Variants in ACSS2 observed in about 807,000 individuals in gnomAD.
The protein encoded by ACSS2 is acetyl-coenzyme A synthetase, cytoplasmic.
Under a neutral mutation model 90.6 loss-of-function variants are expected in ACSS2, and 58 were observed. The observed-to-expected ratio is 0.64, with a 90% CI of 0.52 to 0.80. ACSS2 has a LOEUF of 0.80. ACSS2 is among the 30% of genes least tolerant of loss of function. The pLI is 0.00. For missense variants in ACSS2, 759 were observed against 912.0 expected (o/e 0.83, Z 2.16); for synonymous variants, 300 against 330.9 (o/e 0.91, Z 1.01).
intron 2 of ACSS2, among the ~76,000 whole-genome samples, chr20:34,907,930 G>A (rs1402773478): frequency 6.6e-6 from 1 of 152,204 alleles, no homozygotes; most frequent in Admixed American, 6.5e-5. Context: ...ACCTCTGTTA[G>A]TAAGAAAAGG....
intron 7 of ACSS2, among the ~76,000 whole-genome samples, chr20:34,914,749 G>A (rs1488630216): frequency 6.6e-6 from 1 of 152,204 alleles, no homozygotes; most frequent in Non-Finnish European, 1.5e-5. Context: ...TCTAACTTGA[G>A]TGACAATATA....
At chr20:34,920,977 A>T in intron 9 of ACSS2, 29 bp from the exon 10 acceptor site, 1 of 1,613,780 alleles carries the variant, frequency 6.2e-7, no homozygotes, top group Non-Finnish European at 8.5e-7. Context: ...ATTAGGAAAG[A>T]CTGGGAATGA....
chr20:34,896,371 C>G (rs1369084386), intron 2 of ACSS2, among the ~76,000 whole-genome samples: 2 of 152,198 alleles, frequency 1.3e-5, no homozygotes, highest in Admixed American at 6.5e-5. Flanking sequence ...TCTCAAGAAA[C>G]ACTTCTTGAC....
Position 34,919,707 on chromosome 20 carries a change from A to G in ACSS2, c.972+135A>G, listed in dbSNP as rs1003621632. ...CAACCCTGAGTTTTGGAAATGTAGC[A>G]TTGTCTTTTCTAAATCAAATTAAGA... On this transcript the variant is annotated intron_variant, in intron 8 of 17. Coordinates refer to ENST00000360596, the MANE Select transcript of ACSS2 (RefSeq NM_018677.4). The G allele has an allele frequency of 5.3e-6, 7 of 1,309,952 alleles. No homozygotes were observed. The East Asian group carries it at 1.3e-4, about 24-fold the overall frequency. The allele number at this position is 1,309,952 out of a possible 1,614,324, so 81.1% of individuals were successfully genotyped here.
rs1228085494 is a variant in ACSS2 at position 34,914,186 on chromosome 20, C to CT, written c.719+16dup. The CT allele has an allele frequency of 1.2e-6, 2 of 1,614,004 alleles. No homozygotes were observed. Among genetic ancestry groups the CT allele is most frequent in the Non-Finnish European group, 1.7e-6 (2 of 1,179,908 alleles). On this transcript the variant is annotated intron_variant, in intron 6 of 17. Coordinates refer to ENST00000360596, the MANE Select transcript of ACSS2 (RefSeq NM_018677.4). ...TGTCAGGAGAAGTAAGTGTGTTTGGCTACTGTCTGAGTTGACTGAGCCTTT... is the reference window on the plus strand; with the variant it reads ...TGTCAGGAGAAGTAAGTGTGTTTGGCTTACTGTCTGAGTTGACTGAGCCTTT...
At position 34,921,880 on chromosome 20, in the gene ACSS2, C is replaced by T; in HGVS notation, c.1548+14C>T. On this transcript the variant is annotated intron_variant, in intron 13 of 17. Transcript: ENST00000360596. Reference sequence around the variant, plus strand: ...GAAGGTTATCTGGTGAGGCCCTGGCCCTTGGGAGTCTTTAAGGAGAGAGGG... The same window carrying T: ...GAAGGTTATCTGGTGAGGCCCTGGCTCTTGGGAGTCTTTAAGGAGAGAGGG... 1 of 1,606,742 alleles carries T rather than the reference C, an allele frequency of 6.2e-7. No homozygotes were observed.
chr20:34,913,660 A>C, intron 4 of ACSS2, 93 bp from the exon 5 acceptor site: 1 of 1,342,318 alleles, frequency 7.4e-7, no homozygotes, highest in Non-Finnish European at 1.1e-6. Context: ...ACCCTGGCTT[A>C]GAGATCCTGA....
intron 2 of ACSS2, among the ~76,000 whole-genome samples, chr20:34,892,194 C>T (rs1304346649): frequency 6.6e-6 from 1 of 152,166 alleles, no homozygotes; most frequent in African/African-American, 2.4e-5. Flanking sequence ...GAACTGGCCT[C>T]CTCTCCTTTG....
chr20:34,885,338 C>A (rs2080165718), intron 2 of ACSS2, among the ~76,000 whole-genome samples: 2 of 152,256 alleles, frequency 1.3e-5, no homozygotes, highest in South Asian at 4.2e-4. Flanking sequence ...ATACACAGGC[C>A]AGAGTTTTCA....
intron 7 of ACSS2, 41 bp from the exon 8 acceptor site, chr20:34,919,394 A>C: frequency 1.2e-6 from 2 of 1,611,788 alleles, no homozygotes; most frequent in Non-Finnish European, 1.7e-6. Context: ...TCTTGTCCCC[A>C]TCTTGAGCTG....
intron 2 of ACSS2, among the ~76,000 whole-genome samples, chr20:34,894,163 C>G (rs1400610810): frequency 1.3e-5 from 2 of 152,152 alleles, no homozygotes; most frequent in African/African-American, 4.8e-5. Context: ...AGGATGGTTA[C>G]TTGAGGTGTC....
At position 34,921,028 on chromosome 20, in the gene ACSS2, C is replaced by T. The variant is rs553401428; in HGVS notation, c.1166C>T (p.Pro389Leu). The T allele has an allele frequency of 2.0e-5, 33 of 1,613,958 alleles. No homozygotes were observed. Among genetic ancestry groups the T allele is most frequent in the African/African-American group, 2.7e-5 (2 of 74,874 alleles). ...CAGTTTGAGGGGATTCCCACATATC[C>T]GGACGTGAACCGCCTGTGGAGCATT... is the stretch of plus-strand genomic sequence containing the variant. ...SVLFEGIPTY[P>L]DVNRLWSIVD... The change falls in exon 10 of 18, where the codon CCG becomes CTG. Residue 389 changes from proline (P) to leucine (L), a missense_variant. By Grantham distance (98) the Pro-to-Leu change is moderately conservative. Transcript: ENST00000360596.
chr20:34,882,351 C>T (rs917827320), intron 1 of ACSS2, among the ~76,000 whole-genome samples: 1 of 152,198 alleles, frequency 6.6e-6, no homozygotes, highest in East Asian at 1.9e-4. Flanking sequence ...TGGCCGGGCG[C>T]GGTGGCTCAA....
At chr20:34,887,966 A>G (rs1039370105) in intron 2 of ACSS2, among the ~76,000 whole-genome samples, 1 of 145,002 alleles carries the variant, frequency 6.9e-6, no homozygotes. Flanking sequence ...GCTACTTGGG[A>G]GGCTGAGACA....
At chr20:34,918,632 A>G (rs1362081908) in intron 7 of ACSS2, among the ~76,000 whole-genome samples, 1 of 152,122 alleles carries the variant, frequency 6.6e-6, no homozygotes, top group East Asian at 1.9e-4. Context: ...AGTGGTGTAA[A>G]GGCAGGAGCA....
chr20:34,882,838 TGC>T lies in ACSS2; in HGVS notation c.224_225del (p.Cys75SerfsTer10). On this transcript the variant is annotated frameshift_variant, in exon 2 of 18. Transcript: ENST00000360596. LOFTEE classifies it high-confidence loss of function. ...IAKEFYWKTP[C>X]PGPFLRYNFD... ...CAAGGAATTTTACTGGAAGACTCCA[TGC>T]CCTGGCCCATTCCTTCGGTACAACT... The T allele has an allele frequency of 6.2e-7, 1 of 1,613,160 alleles. No homozygotes were observed.
At chr20:34,876,468 T>C, upstream of ACSS2, 1 of 617,112 alleles carries the variant, frequency 1.6e-6, no homozygotes, top group Non-Finnish European at 2.4e-6. Flanking sequence ...CCTCGATCCC[T>C]CCCCAACCAG....
intron 7 of ACSS2, among the ~76,000 whole-genome samples, chr20:34,917,021 T>A (rs1427322284): frequency 6.6e-6 from 1 of 152,218 alleles, no homozygotes; most frequent in Non-Finnish European, 1.5e-5. Context: ...TCACTCTGCT[T>A]CCTGGTGCTA....
At chr20:34,884,293 G>A (rs1246825298) in intron 2 of ACSS2, among the ~76,000 whole-genome samples, 1 of 152,146 alleles carries the variant, frequency 6.6e-6, no homozygotes, top group Non-Finnish European at 1.5e-5. Context: ...GGAGCAGCTT[G>A]GATGCTTCAT....
Sources: allele counts gnomAD v4.1 joint callset (sites outside exome capture counted in the v4.1 genomes callset), GRCh38; gene constraint gnomAD v4.1.1; transcripts MANE v1.5; gene names NCBI Gene and HGNC (gene_info 2026-07-23, HGNC 2026-07-21).